CD86: variants seen among roughly 807,000 people sequenced by gnomAD.
CD86 encodes CD86 molecule, also known as T-lymphocyte activation antigen CD86.
In CD86, 11 loss-of-function variants were observed where a neutral mutation model predicts 32.1. The ratio of observed to expected loss-of-function variants is 0.34; its 90% CI spans 0.22 to 0.57. The LOEUF (loss-of-function observed/expected upper bound fraction) is 0.57, where lower values mean the gene tolerates loss of function less well. Among genes scored for constraint, CD86 ranks in the 20% least tolerant of loss-of-function variants. CD86 has a pLI of 0.86. For missense variants in CD86, 359 were observed against 398.4 expected (o/e 0.90, Z 0.84); for synonymous variants, 137 against 135.3 (o/e 1.01, Z -0.09).
At chr3:122,081,627 G>A (rs1480371455) in intron 1 of CD86, among the ~76,000 whole-genome samples, 1 of 152,180 alleles carries the variant, frequency 6.6e-6, no homozygotes, top group African/African-American at 2.4e-5. Flanking sequence ...GTTTCTCAGA[G>A]GAAGACTGTT....
intron 2 of CD86, among the ~76,000 whole-genome samples, chr3:122,101,495 GAAAA>G (rs72402574): frequency 1.4e-3 from 75 of 53,308 alleles, no homozygotes; most frequent in East Asian, 3.7e-3. Flanking sequence ...AGGCTCTACA[GAAAA>G]AAAAAAAAAA....
At chr3:122,106,796 C>T (rs1005705597) in intron 4 of CD86, among the ~76,000 whole-genome samples, 1 of 149,192 alleles carries the variant, frequency 6.7e-6, no homozygotes, top group Admixed American at 6.7e-5. Context: ...CAGGATTCCT[C>T]CAGGCTAGAA....
intron 1 of CD86, among the ~76,000 whole-genome samples, chr3:122,058,512 C>T (rs539524995): frequency 2.2e-4 from 33 of 152,190 alleles, no homozygotes; most frequent in African/African-American, 6.3e-4. Flanking sequence ...ATGGGCTTCA[C>T]GGGAGGTTAA....
chr3:122,097,826 G>A (rs1426945087), intron 2 of CD86, among the ~76,000 whole-genome samples: 4 of 152,180 alleles, frequency 2.6e-5, no homozygotes, highest in South Asian at 4.1e-4. Context: ...TACTGAGTCC[G>A]AGTGGAGAAA....
intron 1 of CD86, among the ~76,000 whole-genome samples, chr3:122,069,205 C>T (rs1356400945): frequency 1.3e-5 from 2 of 151,984 alleles, no homozygotes; most frequent in African/African-American, 4.8e-5. Context: ...TCTTAGCTCA[C>T]CTTGGATCTC....
intron 3 of CD86, 38 bp downstream of exon 3, chr3:122,103,885 T>A (rs2073050472): frequency 6.6e-7 from 1 of 1,515,450 alleles, no homozygotes; most frequent in Non-Finnish European, 9.1e-7. Flanking sequence ...TTCTTAGCCT[T>A]CTCAGATGAG....
intron 2 of CD86, among the ~76,000 whole-genome samples, chr3:122,097,606 C>G (rs1396956265): frequency 1.3e-5 from 2 of 152,030 alleles, no homozygotes; most frequent in Non-Finnish European, 2.9e-5. Context: ...ATGAAAGGCT[C>G]TAGCAGTTTT....
intron 2 of CD86, among the ~76,000 whole-genome samples, chr3:122,101,513 AATATAT>A (rs58001956): frequency 1.3e-3 from 61 of 46,272 alleles, no homozygotes; most frequent in South Asian, 4.5e-3. Context: ...AAAAAAAAAA[AATATAT>A]ATATATATAT....
rs1282625637 is a variant in CD86, at chr3:122,103,854, G to T, written c.400+7G>T. On this transcript the variant is annotated splice_region_variant and intron_variant, in intron 3 of 6. Coordinates refer to ENST00000330540, the MANE Select transcript of CD86 (RefSeq NM_175862.5). ...TCTGAACTGTCAGTGCTTGGTATGT[G>T]GTCAATGGTGTGTGTTCAGATTCTT... 6.2e-7 allele frequency: 1 copy of T among 1,602,040 alleles called. No homozygotes were observed. The highest frequency in any genetic ancestry group is 8.5e-7 in the Non-Finnish European group (1 of 1,170,456).
intron 2 of CD86, among the ~76,000 whole-genome samples, chr3:122,100,958 A>G (rs1026267427): frequency 6.6e-6 from 1 of 152,092 alleles, no homozygotes; most frequent in African/African-American, 2.4e-5. Flanking sequence ...CTTGAGCCAA[A>G]CTTTCCCCAT....
intron 1 of CD86, among the ~76,000 whole-genome samples, chr3:122,062,632 G>A (rs1344176616): frequency 6.6e-6 from 1 of 152,024 alleles, no homozygotes; most frequent in Non-Finnish European, 1.5e-5. Context: ...TAAATGCCAG[G>A]GTTTTGAGCT....
intron 5 of CD86, among the ~76,000 whole-genome samples, chr3:122,112,700 T>A (rs1259189171): frequency 6.6e-6 from 1 of 152,228 alleles, no homozygotes; most frequent in Non-Finnish European, 1.5e-5. Flanking sequence ...CTGCTTTCAT[T>A]TTTTTGACAG....
In CD86 at chr3:122,068,182, C is replaced by A. The variant is rs146376479; in HGVS notation, c.14+12679C>A. Among the ~76,000 whole-genome samples the A allele has an allele frequency of 1.5e-4, 23 of 152,140 alleles. No individual in the cohort carries two copies. In the East Asian group the frequency reaches 4.0e-3, roughly 27 times the overall value. ...CATATTGCCTGTGTTCTATATACCC[C>A]AATCTATTTTATTTTACTTTGTAGT... is the stretch of plus-strand genomic sequence containing the variant. On this transcript the variant is annotated intron_variant, in intron 1 of 6. Coordinates refer to ENST00000330540, the MANE Select transcript of CD86 (RefSeq NM_175862.5).
At chr3:122,086,734 C>T (rs1291475380) in intron 1 of CD86, 2 of 397,584 alleles carry the variant, frequency 5.0e-6, no homozygotes, top group African/African-American at 2.0e-5. Context: ...ACTTTGGGGC[C>T]CCTTCTTCTC....
At chr3:122,100,722 T>C (rs1262161643) in intron 2 of CD86, among the ~76,000 whole-genome samples, 5 of 152,150 alleles carry the variant, frequency 3.3e-5, no homozygotes, top group Non-Finnish European at 7.4e-5. Flanking sequence ...ACAAATTCCT[T>C]CAGCTGATTA....
chr3:122,064,863 A>G (rs1431968092), intron 1 of CD86, among the ~76,000 whole-genome samples: 1 of 152,172 alleles, frequency 6.6e-6, no homozygotes, highest in Non-Finnish European at 1.5e-5. Context: ...TAGGGGGCTG[A>G]AACTATTTGA....
chr3:122,061,578 T>C (rs1370153414), intron 1 of CD86, among the ~76,000 whole-genome samples: 1 of 151,878 alleles, frequency 6.6e-6, no homozygotes, highest in Non-Finnish European at 1.5e-5. Context: ...CCAAAGAAAA[T>C]ATACAGATGG....
intron 1 of CD86, 36 bp downstream of exon 1, chr3:122,055,539 T>C (rs1211843229): frequency 1.2e-6 from 2 of 1,609,108 alleles, no homozygotes; most frequent in Admixed American, 1.7e-5. Flanking sequence ...AGAGAAGTTA[T>C]GAGTTGTGAC....
At position 122,055,388 on chromosome 3, in the gene CD86, G is replaced by A; in HGVS notation, c.-102G>A. On this transcript the variant is annotated 5_prime_UTR_variant, in exon 1 of 7. Transcript: ENST00000330540. The stretch of plus-strand genomic sequence containing the variant: ...GTCATTGCCGAGGAAGGCTTGCACA[G>A]GGTGAAAGCTTTGCTTCTCTGCTGC... 1 of 1,152,862 alleles carries A rather than the reference G, an allele frequency of 8.7e-7. No homozygotes were observed. The highest frequency in any genetic ancestry group is 1.5e-5 in the African/African-American group (1 of 66,032). 71.4% of individuals were successfully genotyped at this position (1,152,862 alleles called of 1,614,324 possible).
Sources: allele counts gnomAD v4.1 joint callset (sites outside exome capture counted in the v4.1 genomes callset), GRCh38; gene constraint gnomAD v4.1.1; transcripts MANE v1.5; gene names NCBI Gene and HGNC (gene_info 2026-07-23, HGNC 2026-07-21).